Variants in TMPRSS6 observed in about 807,000 individuals in gnomAD.
TMPRSS6 encodes transmembrane serine protease 6.
A neutral mutation model predicts 101.5 loss-of-function variants in TMPRSS6; 67 were observed. The observed-to-expected ratio is 0.66, with a 90% CI of 0.54 to 0.81. TMPRSS6 has a LOEUF of 0.81. Ranked by LOEUF, TMPRSS6 falls within the 30% of genes least tolerant of loss-of-function variation. The pLI is 0.00. For synonymous variants in TMPRSS6, 453 were observed against 464.9 expected (o/e 0.97, Z 0.33); for missense variants, 1,034 against 1,088.7 (o/e 0.95, Z 0.71).
At chr22:37,086,214 G>A in intron 8 of TMPRSS6, 69 bp downstream of exon 8, 1 of 1,604,942 alleles carries the variant, frequency 6.2e-7, no homozygotes, top group Non-Finnish European at 8.5e-7. Flanking sequence ...GGTGAGCAGT[G>A]AGCCCAGTGG....
intron 3 of TMPRSS6, among the ~76,000 whole-genome samples, chr22:37,097,416 C>T (rs939180280): frequency 2.6e-5 from 4 of 152,078 alleles, no homozygotes; most frequent in Non-Finnish European, 5.9e-5. Context: ...TGAGCTCAGC[C>T]GAATAGGGCA....
At chr22:37,099,791 T>C (rs1930139370) in intron 2 of TMPRSS6, among the ~76,000 whole-genome samples, 1 of 151,214 alleles carries the variant, frequency 6.6e-6, no homozygotes, top group Non-Finnish European at 1.5e-5. Context: ...CAGGGGCAAG[T>C]GCAAAGGCCT....
In TMPRSS6 at chr22:37,069,444, G is replaced by C. The variant is rs1926686307; in HGVS notation, c.1842-100C>G. On this transcript the variant is annotated intron_variant, in intron 15 of 17. Coordinates refer to ENST00000676104, the MANE Select transcript of TMPRSS6 (RefSeq NM_001374504.1). This position sits in a 1 kb window ranked among gnomAD's most constrained non-coding sequence, Gnocchi z 4.8. ...CTCAAGATAGCCAGATCCCCGCCCGGGACAGTGCCCTCCACACCCAGCCCT... is the reference window on the plus strand; with the variant it reads ...CTCAAGATAGCCAGATCCCCGCCCGCGACAGTGCCCTCCACACCCAGCCCT... 6 of 1,188,090 alleles carry C rather than the reference G, an allele frequency of 5.1e-6. No individual in the cohort carries two copies. The highest frequency in any genetic ancestry group is 2.8e-4 in the Middle Eastern group (1 of 3,552). The allele number at this position is 1,188,090 out of a possible 1,614,324, so 73.6% of individuals were successfully genotyped here. A position where few individuals can be genotyped will look rare whatever the true frequency, so the allele number is the denominator to read the frequency against.
intron 16 of TMPRSS6, among the ~76,000 whole-genome samples, chr22:37,067,890 A>AT: frequency 6.6e-6 from 1 of 152,088 alleles, no homozygotes; most frequent in East Asian, 1.9e-4. Context: ...CTCCTCGCCC[A>AT]GGCACGCCTG....
intron 4 of TMPRSS6, among the ~76,000 whole-genome samples, chr22:37,096,293 C>T (rs1314402073): frequency 6.6e-6 from 1 of 152,230 alleles, no homozygotes; most frequent in Admixed American, 6.5e-5. Context: ...GAGAGGTGAA[C>T]TTGTGTCTCA....
At chr22:37,110,446 A>C (rs1930987937), upstream of TMPRSS6, among the ~76,000 whole-genome samples, 1 of 151,954 alleles carries the variant, frequency 6.6e-6, no homozygotes, top group South Asian at 2.1e-4. Context: ...ACGCAGCATG[A>C]ATTCCTACCT....
intron 11 of TMPRSS6, 38 bp from the exon 12 acceptor site, chr22:37,074,746 G>A (rs12484305): frequency 1.7e-5 from 28 of 1,602,078 alleles, no homozygotes; most frequent in East Asian, 1.3e-4. Context: ...CAGGCAGGGC[G>A]CCATTAGGCC....
Position 37,103,553 on chromosome 22 carries a change from C to T in TMPRSS6, c.-1-135G>A. ...GAGTAACAACATCAGGCGGCAGTGA[C>T]TGCAAGTGGGTGCCGAGACAGCTCA... is the stretch of plus-strand genomic sequence containing the variant. On this transcript the variant is annotated intron_variant, in intron 1 of 17. Transcript: ENST00000676104. This position sits in a 1 kb window ranked among gnomAD's most constrained non-coding sequence, Gnocchi z 4.4. 2.5e-6 allele frequency: 4 copies of T among 1,613,968 alleles called. No homozygotes were observed. Among genetic ancestry groups the T allele is most frequent in the African/African-American group, 2.7e-5 (2 of 75,058 alleles).
intron 8 of TMPRSS6, among the ~76,000 whole-genome samples, chr22:37,085,863 C>T (rs749455031): frequency 8.0e-5 from 12 of 150,720 alleles, no homozygotes; most frequent in Non-Finnish European, 1.2e-4. Context: ...CAAACAGACC[C>T]GTGTTCCAGG....
At position 37,107,975 on chromosome 22, in the gene TMPRSS6, T is replaced by C. The variant is rs77625690; in HGVS notation, c.-2+1528A>G. Among the ~76,000 whole-genome samples the C allele has an allele frequency of 3.3e-3, 505 of 152,308 alleles. 1 individual carries two copies. Among genetic ancestry groups the C allele is most frequent in the African/African-American group, 0.012 (484 of 41,550 alleles). On this transcript the variant is annotated intron_variant, in intron 1 of 17. Transcript: ENST00000676104. ...CAGCGGACACTCAGTAATTGTTAAA[T>C]GAATGAATGACAAGGTCCCAGCTCC...
In TMPRSS6 at chr22:37,096,038, G is replaced by A. The variant is rs116092750; in HGVS notation, c.457C>T (p.Arg153Cys). Reference protein sequence around the residue: ...FWFILQIPEHRRLMLSPEVVQ... With the variant: ...FWFILQIPEHCRLMLSPEVVQ... ...ACCTCGGGGCTCAGCATCAGCCGGC[G>A]GTGCTCGGGGATTTGGAGAATGAAC... The change falls in exon 5 of 18, where the codon CGC becomes TGC. Residue 153 changes from arginine (R) to cysteine (C), a missense_variant. Physicochemically the swap from Arg to Cys is radical, Grantham distance 180. Coordinates refer to ENST00000676104, the MANE Select transcript of TMPRSS6 (RefSeq NM_001374504.1). 477 of 1,614,194 alleles carry A rather than the reference G, an allele frequency of 3.0e-4. No individual in the cohort carries two copies. In the African/African-American group the frequency reaches 5.6e-3, roughly 19 times the overall value.
At chr22:37,090,718 C>T (rs1929186862) in intron 6 of TMPRSS6, among the ~76,000 whole-genome samples, 2 of 152,312 alleles carry the variant, frequency 1.3e-5, no homozygotes, top group East Asian at 1.9e-4. Context: ...TTGCTTTCCT[C>T]ATCTATAGAA....
intron 1 of TMPRSS6, among the ~76,000 whole-genome samples, chr22:37,105,579 T>C (rs1476021577): frequency 1.3e-5 from 2 of 152,212 alleles, no homozygotes; most frequent in African/African-American, 4.8e-5. Context: ...GTTTGCTGGA[T>C]TGGGAAGATC....
chr22:37,107,369 G>A (rs1930778012), intron 1 of TMPRSS6, among the ~76,000 whole-genome samples: 1 of 152,086 alleles, frequency 6.6e-6, no homozygotes, highest in African/African-American at 2.4e-5. Flanking sequence ...TGAAGATGAC[G>A]GTGCCACTCT....
rs530572249 is a variant in TMPRSS6 at position 37,095,568 on chromosome 22, G to A, written c.614C>T (p.Ala205Val). The A allele has an allele frequency of 5.0e-6, 8 of 1,611,556 alleles. No individual in the cohort carries two copies. The Admixed American group carries it at 1.2e-4, about 24-fold the overall frequency. The change falls in exon 6 of 18, where the codon GCA becomes GTA. Residue 205 changes from alanine (A) to valine (V), a missense_variant. Coordinates refer to ENST00000676104, the MANE Select transcript of TMPRSS6 (RefSeq NM_001374504.1). ...TAGCGTACCCAGCGTGGAATTCAAT[G>A]CAGCTATGTCTTTCACACTGGCTTC... ...ILEASVKDIAALNSTLGCYRY... is the reference protein window; with the variant it reads ...ILEASVKDIAVLNSTLGCYRY...
At chr22:37,102,486 T>C (rs1930405319) in intron 2 of TMPRSS6, among the ~76,000 whole-genome samples, 2 of 152,164 alleles carry the variant, frequency 1.3e-5, no homozygotes, top group South Asian at 4.1e-4. Flanking sequence ...ACTCCATCAA[T>C]CTTAGAGAAA....
At chr22:37,072,290 T>TGATG (rs572525015) in intron 13 of TMPRSS6, among the ~76,000 whole-genome samples, 249 of 103,260 alleles carry the variant, frequency 2.4e-3, no homozygotes, top group Non-Finnish European at 3.5e-3. Context: ...GATGGATGGA[T>TGATG]GATGGATGGA....
At position 37,086,386 on chromosome 22, in the gene TMPRSS6, C is replaced by T. The variant is rs374940567; in HGVS notation, c.870G>A (p.Val290=). The T allele has an allele frequency of 1.9e-4, 302 of 1,606,882 alleles. No homozygotes were observed. The highest frequency in any genetic ancestry group is 2.5e-4 in the Non-Finnish European group (293 of 1,176,784). The change falls in exon 8 of 18, where the codon GTG becomes GTA. Residue 290 remains valine (V), a synonymous_variant. Coordinates refer to ENST00000676104, the MANE Select transcript of TMPRSS6 (RefSeq NM_001374504.1). ...TGATGGCCCCCGACGCCAGAACCTC[C>T]ACCACGGGCTCCTGGCGGCTGCAGC... ...VYGCSRQEPV[V]EVLASGAIMA...
intron 12 of TMPRSS6, among the ~76,000 whole-genome samples, chr22:37,074,100 C>G (rs892231312): frequency 6.6e-6 from 1 of 152,168 alleles, no homozygotes; most frequent in Non-Finnish European, 1.5e-5. Flanking sequence ...TGTGAGATAC[C>G]CCATTTCACT....
Sources: allele counts gnomAD v4.1 joint callset (sites outside exome capture counted in the v4.1 genomes callset), GRCh38; gene constraint gnomAD v4.1.1; non-coding constraint Gnocchi (gnomAD v3.1); transcripts MANE v1.5; gene names NCBI Gene and HGNC (gene_info 2026-07-23, HGNC 2026-07-21).